INTS6L: variants seen among roughly 807,000 people sequenced by gnomAD.
INTS6L encodes integrator complex subunit 6-like.
Under a neutral mutation model 64.7 loss-of-function variants are expected in INTS6L, and 18 were observed. That is an observed-to-expected ratio of 0.28 (90% CI 0.19 to 0.41). INTS6L has a LOEUF of 0.41. Ranked by LOEUF, INTS6L falls within the 10% of genes least tolerant of loss-of-function variation. The pLI is 1.00. For missense variants in INTS6L, 533 were observed against 661.0 expected (o/e 0.81, Z 2.12); for synonymous variants, 227 against 235.9 (o/e 0.96, Z 0.34).
intron 11 of INTS6L, chrX:135,571,533 G>T (rs537400391): frequency 3.2e-4 from 36 of 111,568 alleles, no homozygotes; most frequent in African/African-American, 1.0e-3. Context: ...ACTTCAGTAT[G>T]GTCTGGAGCT....
chrX:135,521,848 C>T, intron 2 of INTS6L, among the ~76,000 whole-genome samples: 1 of 109,211 alleles, frequency 9.2e-6, no homozygotes, highest in Non-Finnish European at 1.9e-5. Flanking sequence ...CTCCTCTGGC[C>T]CCTCCTTCCT....
At chrX:135,569,463 G>A in intron 10 of INTS6L, 32 bp downstream of exon 10, 1 of 884,622 alleles carries the variant, frequency 1.1e-6, no homozygotes, top group Non-Finnish European at 1.5e-6. Context: ...TGTATTAACT[G>A]TATCAATGAT....
Position 135,521,285 on chromosome X carries a change from G to A in INTS6L, c.156G>A (p.Leu52=). 1 of 1,207,277 alleles carries A rather than the reference G, an allele frequency of 8.3e-7. No individual in the cohort carries two copies. Among genetic ancestry groups the A allele is most frequent in the Non-Finnish European group, 1.1e-6 (1 of 893,433 alleles). ...DPASRGDRYM[L]VTYDEPPYCI... ...CCAGCCGTGGAGACAGGTACATGCT[G>A]GTCACCTACGACGAACCCCCGTACT... The change falls in exon 2 of 18, where the codon CTG becomes CTA. Residue 52 remains leucine (L), a synonymous_variant. Transcript: ENST00000639893.
intron 7 of INTS6L, 120 bp from the exon 8 acceptor site, chrX:135,551,874 C>A: frequency 1.6e-6 from 1 of 640,119 alleles, no homozygotes; most frequent in Non-Finnish European, 2.2e-6. Flanking sequence ...TCTCAAAATG[C>A]TAGTCTGTAT....
chrX:135,538,009 T>G (rs1178274789), intron 2 of INTS6L, among the ~76,000 whole-genome samples: 1 of 112,769 alleles, frequency 8.9e-6, no homozygotes, highest in East Asian at 2.8e-4. Context: ...CAGTCTTGCC[T>G]TGATGTTGAT....
At chrX:135,573,124 A>G in intron 12 of INTS6L, 91 bp downstream of exon 12, 1 of 823,364 alleles carries the variant, frequency 1.2e-6, no homozygotes, top group Admixed American at 3.0e-5. Context: ...ATAATGGACA[A>G]TCCTATTTTG....
intron 4 of INTS6L, 30 bp from the exon 5 acceptor site, chrX:135,546,672 A>G: frequency 2.5e-6 from 3 of 1,189,599 alleles, no homozygotes; most frequent in Non-Finnish European, 3.4e-6. Flanking sequence ...GTTTGTTATG[A>G]TGAACCTTTT....
intron 7 of INTS6L, 79 bp downstream of exon 7, chrX:135,549,884 T>C: frequency 9.3e-7 from 1 of 1,075,229 alleles, no homozygotes; most frequent in Non-Finnish European, 1.3e-6. Context: ...TTAAAATAGC[T>C]TTGAGGCCTT....
intron 8 of INTS6L, among the ~76,000 whole-genome samples, chrX:135,552,691 T>C (rs1556517526): frequency 8.9e-6 from 1 of 112,548 alleles, no homozygotes; most frequent in Admixed American, 9.4e-5. Context: ...TATCATACAC[T>C]GGCTCTTCCA....
At chrX:135,558,793 T>C (rs1013575969) in intron 9 of INTS6L, among the ~76,000 whole-genome samples, 30 of 106,627 alleles carry the variant, frequency 2.8e-4, no homozygotes, top group African/African-American at 1.0e-3. Context: ...TTTTCTTTTT[T>C]TTTTTTTTTT....
chrX:135,560,420 G>A (rs1379903877), intron 9 of INTS6L, among the ~76,000 whole-genome samples: 1 of 111,772 alleles, frequency 8.9e-6, no homozygotes, highest in Admixed American at 9.5e-5. Context: ...TTGCCTTACT[G>A]TACTGTAGAG....
intron 9 of INTS6L, among the ~76,000 whole-genome samples, chrX:135,558,381 C>CA (rs1392028295): frequency 2.6e-4 from 28 of 108,650 alleles, no homozygotes; most frequent in African/African-American, 3.7e-4. Flanking sequence ...TCACAATAGC[C>CA]AAAAAAAAAT....
At chrX:135,569,479 T>G (rs369789742) in intron 10 of INTS6L, 48 bp downstream of exon 10, 105 of 819,742 alleles carry the variant, frequency 1.3e-4, no homozygotes, top group Non-Finnish European at 1.5e-4. Flanking sequence ...ATGATAATTC[T>G]TGTCACAAGA....
intron 4 of INTS6L, 92 bp downstream of exon 4, chrX:135,546,561 G>A: frequency 1.0e-6 from 1 of 996,281 alleles, no homozygotes; most frequent in South Asian, 2.6e-5. Flanking sequence ...AGTAAGTTTG[G>A]TCAAATCATC....
chrX:135,563,633 G>GTGTGTGTGTATATATA (rs1556523326), intron 9 of INTS6L, among the ~76,000 whole-genome samples: 1 of 10,407 alleles, frequency 9.6e-5, no homozygotes, highest in African/African-American at 1.8e-4. Flanking sequence ...GTGTGTGTGT[G>GTGTGTGTGTATATATA]TATATATATA....
At chrX:135,522,840 G>A (rs1300397435) in intron 2 of INTS6L, among the ~76,000 whole-genome samples, 1 of 112,372 alleles carries the variant, frequency 8.9e-6, no homozygotes, top group African/African-American at 3.2e-5. Context: ...TTAGAAAAGT[G>A]GAACAAGTAG....
intron 2 of INTS6L, among the ~76,000 whole-genome samples, chrX:135,526,670 G>T (rs1299486759): frequency 8.9e-6 from 1 of 111,973 alleles, no homozygotes; most frequent in Admixed American, 9.5e-5. Flanking sequence ...CATGTTATAT[G>T]GGGACTATTA....
chrX:135,534,331 A>C (rs1312238947), intron 2 of INTS6L, among the ~76,000 whole-genome samples: 1 of 110,638 alleles, frequency 9.0e-6, no homozygotes, highest in Non-Finnish European at 1.9e-5. Flanking sequence ...ATATGTGATC[A>C]TGTGAGTCTT....
chrX:135,557,842 A>G (rs1397589686), intron 9 of INTS6L, among the ~76,000 whole-genome samples: 2 of 112,504 alleles, frequency 1.8e-5, no homozygotes, highest in Admixed American at 1.9e-4. Context: ...CGATTAACAG[A>G]GTGAAAAGGC....
Sources: allele counts gnomAD v4.1 joint callset (sites outside exome capture counted in the v4.1 genomes callset), GRCh38; gene constraint gnomAD v4.1.1; transcripts MANE v1.5; gene names NCBI Gene and HGNC (gene_info 2026-07-23, HGNC 2026-07-21).